The following THSD4 variants were observed in gnomAD, a reference collection of about 807,000 sequenced individuals.
THSD4 encodes the protein thrombospondin type-1 domain-containing protein 4.
A neutral mutation model predicts 119.0 loss-of-function variants in THSD4; 69 were observed. The ratio of observed to expected loss-of-function variants is 0.58; its 90% CI spans 0.48 to 0.71. The LOEUF is 0.71. Among genes scored for constraint, THSD4 ranks in the 30% least tolerant of loss-of-function variants. THSD4 has a pLI of 0.00. For missense variants in THSD4, 1,393 were observed against 1,391.1 expected, an observed-to-expected ratio of 1.00 and a Z score of -0.02; for synonymous variants, 524 against 540.4, an observed-to-expected ratio of 0.97 and a Z score of 0.42.
intron 6 of THSD4, among the ~76,000 whole-genome samples, chr15:71,346,120 G>T (rs532959611): frequency 1.2e-5 from 1 of 86,938 alleles, no homozygotes; most frequent in East Asian, 5.7e-4. Context: ...TTTAGTTGTC[G>T]CATCTCTGGT....
intron 6 of THSD4, among the ~76,000 whole-genome samples, chr15:71,405,828 A>G (rs1233027685): frequency 6.6e-6 from 1 of 152,228 alleles, no homozygotes; most frequent in Non-Finnish European, 1.5e-5. Flanking sequence ...TTTCAACAAT[A>G]TTTTGAGGTT....
At chr15:71,245,855 C>A (rs1372895960) in intron 5 of THSD4, among the ~76,000 whole-genome samples, 1 of 152,176 alleles carries the variant, frequency 6.6e-6, no homozygotes, top group Non-Finnish European at 1.5e-5. Flanking sequence ...TCCCAGATGC[C>A]AGCCATGGAC....
At chr15:71,599,018 G>T (rs924055452) in intron 7 of THSD4, among the ~76,000 whole-genome samples, 2 of 152,076 alleles carry the variant, frequency 1.3e-5, no homozygotes, top group South Asian at 2.1e-4. Flanking sequence ...CAACTAATCC[G>T]ATTTGCTCCG....
chr15:71,489,763 C>T (rs72731099), intron 7 of THSD4, among the ~76,000 whole-genome samples: 4 of 151,988 alleles, frequency 2.6e-5, no homozygotes, highest in Admixed American at 6.5e-5. Context: ...ACATGAAAGA[C>T]GGGAGAATGC....
intron 6 of THSD4, among the ~76,000 whole-genome samples, chr15:71,266,676 C>T (rs943769327): frequency 6.6e-6 from 1 of 151,880 alleles, no homozygotes; most frequent in Non-Finnish European, 1.5e-5. Flanking sequence ...GCTAAAGGAG[C>T]ATGTTCTAAC....
Position 71,170,434 on chromosome 15 carries a change from C to G in THSD4, c.99+15502C>G, listed in dbSNP as rs192022074. Among the ~76,000 whole-genome samples, 503 of 152,274 alleles carry G rather than the reference C, an allele frequency of 3.3e-3. 3 individuals are homozygous for G. Among genetic ancestry groups the G allele is most frequent in the Middle Eastern group, 6.8e-3 (2 of 294 alleles). On this transcript the variant is annotated intron_variant, in intron 3 of 17. Coordinates refer to ENST00000261862, the MANE Select transcript of THSD4 (RefSeq NM_024817.3). ...TAGGCATACTTTAAAAACTCATAAT[C>G]CAGGAGGCATTGAATAGAATACTCA...
chr15:71,535,967 T>C (rs1479502179), intron 7 of THSD4, among the ~76,000 whole-genome samples: 5 of 152,310 alleles, frequency 3.3e-5, no homozygotes, highest in Middle Eastern at 6.8e-3. Context: ...CTTTTTCACT[T>C]GTGCTTTTGG....
chr15:71,261,238 A>G (rs1234460263), intron 6 of THSD4, among the ~76,000 whole-genome samples: 2 of 152,134 alleles, frequency 1.3e-5, no homozygotes, highest in African/African-American at 4.8e-5. Flanking sequence ...GACAGGGGGA[A>G]GACAGCCCAT....
At chr15:71,436,104 G>T (rs777242721) in intron 7 of THSD4, among the ~76,000 whole-genome samples, 1 of 152,146 alleles carries the variant, frequency 6.6e-6, no homozygotes, top group African/African-American at 2.4e-5. Context: ...ACCCTCATCC[G>T]GTTTTCATTT....
Position 71,715,057 on chromosome 15 carries a change from C to T in THSD4, c.1358-13492C>T, listed in dbSNP as rs1010684757. Among the ~76,000 whole-genome samples the T allele has an allele frequency of 3.9e-5, 6 of 152,054 alleles. 1 individual carries two copies. In the East Asian group the frequency reaches 9.6e-4, roughly 24 times the overall value. On this transcript the variant is annotated intron_variant, in intron 8 of 17. Coordinates refer to ENST00000261862, the MANE Select transcript of THSD4 (RefSeq NM_024817.3). Reference sequence around the variant, plus strand: ...GTCAGTCTTGCAGGAGTATGGCATGCGAGAATCACAACTCGACACTCAAAA... The same window carrying T: ...GTCAGTCTTGCAGGAGTATGGCATGTGAGAATCACAACTCGACACTCAAAA...
At chr15:71,340,651 C>T (rs1369205519) in intron 6 of THSD4, among the ~76,000 whole-genome samples, 1 of 149,788 alleles carries the variant, frequency 6.7e-6, no homozygotes, top group Non-Finnish European at 1.5e-5. Context: ...TGTCACCCAG[C>T]CTGGAGTGCA....
chr15:71,170,710 TGAG>T (rs753841123), intron 3 of THSD4, among the ~76,000 whole-genome samples: 2 of 152,162 alleles, frequency 1.3e-5, no homozygotes, highest in African/African-American at 2.4e-5. Context: ...TTCCCCATAA[TGAG>T]GAGAATAATC....
intron 7 of THSD4, among the ~76,000 whole-genome samples, chr15:71,474,927 A>C (rs781492817): frequency 2.6e-5 from 4 of 152,116 alleles, no homozygotes; most frequent in Non-Finnish European, 5.9e-5. Context: ...ATGATTTTCA[A>C]AGTGCGGTTG....
intron 7 of THSD4, among the ~76,000 whole-genome samples, chr15:71,447,107 CCATTTTTTT>C (rs2047193132): frequency 3.9e-5 from 5 of 129,558 alleles, no homozygotes; most frequent in Non-Finnish European, 4.7e-5. Context: ...CCTCTTCCCT[CCATTTTTTT>C]TGTTTTTTTT....
intron 8 of THSD4, among the ~76,000 whole-genome samples, chr15:71,696,225 G>A (rs1179694712): frequency 6.6e-6 from 1 of 152,184 alleles, no homozygotes; most frequent in Non-Finnish European, 1.5e-5. Context: ...GCATGGCCGT[G>A]GTTTTGGTGA....
chr15:71,539,223 T>C (rs189170357), intron 7 of THSD4, among the ~76,000 whole-genome samples: 1 of 152,362 alleles, frequency 6.6e-6, no homozygotes. Context: ...CTTGGTTTTG[T>C]ACAAAGGGAG....
intron 7 of THSD4, among the ~76,000 whole-genome samples, chr15:71,629,907 C>G (rs1231137671): frequency 6.6e-6 from 1 of 152,192 alleles, no homozygotes; most frequent in Admixed American, 6.5e-5. Flanking sequence ...TGGCTTGGCT[C>G]TGGAACCCTT....
intron 2 of THSD4, 35 bp downstream of exon 2, chr15:71,141,591 A>C (rs2040605111): frequency 1.3e-6 from 2 of 1,591,726 alleles, no homozygotes. Context: ...AAAACAGGAG[A>C]ATAAGAAATT....
At chr15:71,562,192 AG>A (rs757388166) in intron 7 of THSD4, among the ~76,000 whole-genome samples, 1 of 152,214 alleles carries the variant, frequency 6.6e-6, no homozygotes, top group Non-Finnish European at 1.5e-5. Flanking sequence ...GGCAAGGGAA[AG>A]CTTGGGGGTA....
Sources: allele counts gnomAD v4.1 joint callset (sites outside exome capture counted in the v4.1 genomes callset), GRCh38; gene constraint gnomAD v4.1.1; transcripts MANE v1.5; gene names NCBI Gene and HGNC (gene_info 2026-07-23, HGNC 2026-07-21).